The following SCN2A variants were observed in gnomAD, a reference collection of about 807,000 sequenced individuals.
SCN2A encodes the protein sodium voltage-gated channel alpha subunit 2.
A neutral mutation model predicts 188.7 loss-of-function variants in SCN2A; 20 were observed. The observed-to-expected ratio is 0.11, with a 90% CI of 0.07 to 0.15. SCN2A has a LOEUF of 0.15. Among genes scored for constraint, SCN2A ranks in the 10% least tolerant of loss-of-function variants. The pLI, the probability that SCN2A is intolerant of heterozygous loss-of-function variation, is 1.00. For missense variants in SCN2A, 1,278 were observed against 2,445.0 expected, an observed-to-expected ratio of 0.52 and a Z score of 10.07; for synonymous variants, 804 against 833.1, an observed-to-expected ratio of 0.97 and a Z score of 0.60.
intron 11 of SCN2A, among the ~76,000 whole-genome samples, chr2:165,318,805 C>T (rs543183612): frequency 2.6e-5 from 4 of 152,272 alleles, no homozygotes; most frequent in South Asian, 4.1e-4. Context: ...GTATGTCACA[C>T]ATCCTGCAAA....
rs1700230633 is a variant in SCN2A, at chr2:165,357,326, T to C, written c.3399+2655T>C. On this transcript the variant is annotated intron_variant, in intron 17 of 26. Transcript: ENST00000375437. The stretch of plus-strand genomic sequence containing the variant: ...TTCTAACTGGGGGACAGGATTACAT[T>C]GTTAAATATCACAAAGTAGTAAGAA... 2.0e-5 allele frequency among the ~76,000 whole-genome samples: 3 copies of C among 152,176 alleles called. No homozygotes were observed. The South Asian group carries it at 6.2e-4, about 31-fold the overall frequency.
At position 165,265,589 on chromosome 2, in the gene SCN2A, A is replaced by T. The variant is rs377307827; in HGVS notation, c.-52+25949A>T. Among the ~76,000 whole-genome samples the T allele has an allele frequency of 9.0e-5, 13 of 144,994 alleles. No homozygotes were observed. The East Asian group carries it at 1.4e-3, about 16-fold the overall frequency. ...TATCCCTTAACTCAAAAAAATATTG[A>T]ACATTAAAATATTGGTAGCTTTTTT... is the stretch of plus-strand genomic sequence containing the variant. On this transcript the variant is annotated intron_variant, in intron 1 of 26. Coordinates refer to ENST00000375437, the MANE Select transcript of SCN2A (RefSeq NM_001040142.2).
chr2:165,280,277 T>C (rs760629142), intron 1 of SCN2A, among the ~76,000 whole-genome samples: 20 of 152,210 alleles, frequency 1.3e-4, no homozygotes, highest in Non-Finnish European at 2.8e-4. Flanking sequence ...TATTTATCTA[T>C]GTACTCAATC....
intron 1 of SCN2A, among the ~76,000 whole-genome samples, chr2:165,262,615 C>A (rs1008824685): frequency 6.6e-6 from 1 of 151,690 alleles, no homozygotes; most frequent in African/African-American, 2.4e-5. Flanking sequence ...TATGTATATA[C>A]ACATAGAATA....
chr2:165,322,455 G>T (rs1301848016), intron 11 of SCN2A, among the ~76,000 whole-genome samples: 1 of 152,110 alleles, frequency 6.6e-6, no homozygotes. Context: ...AAATTAAATG[G>T]TTGTGATCAG....
chr2:165,242,858 A>G (rs921240763), intron 1 of SCN2A, among the ~76,000 whole-genome samples: 2 of 152,180 alleles, frequency 1.3e-5, no homozygotes, highest in African/African-American at 4.8e-5. Flanking sequence ...TAATGAGCAA[A>G]GCTGGTGTAA....
chr2:165,356,838 CTT>C (rs1368353012), intron 17 of SCN2A, among the ~76,000 whole-genome samples: 2 of 152,286 alleles, frequency 1.3e-5, no homozygotes, highest in African/African-American at 4.8e-5. Flanking sequence ...AGGGACATCT[CTT>C]GTTTCTCTTG....
intron 17 of SCN2A, among the ~76,000 whole-genome samples, chr2:165,358,985 A>C: frequency 6.6e-6 from 1 of 152,128 alleles, no homozygotes; most frequent in South Asian, 2.1e-4. Context: ...AAGAAATGTT[A>C]ATTATTTTGT....
Position 165,373,878 on chromosome 2 carries a change from G to A in SCN2A, c.3972+531G>A, listed in dbSNP as rs545187477. Among the ~76,000 whole-genome samples, 417 of 152,134 alleles carry A rather than the reference G, an allele frequency of 2.7e-3. 1 individual carries two copies. The highest frequency in any genetic ancestry group is 9.7e-3 in the African/African-American group (403 of 41,536). On this transcript the variant is annotated intron_variant, in intron 21 of 26. Transcript: ENST00000375437. ...TTTGTGCTGACATTTGTCGTCCCCT[G>A]AGGCACAAAACCTGAGACCACATAC... is the stretch of plus-strand genomic sequence containing the variant.
chr2:165,283,722 C>A (rs917854558), intron 1 of SCN2A, among the ~76,000 whole-genome samples: 1 of 152,098 alleles, frequency 6.6e-6, no homozygotes, highest in African/African-American at 2.4e-5. Context: ...TATCATATTT[C>A]CCTTCTTAAC....
rs1017846112 is a variant in SCN2A, at chr2:165,323,867, T to A, written c.2016+367T>A. On this transcript the variant is annotated intron_variant, in intron 12 of 26. Transcript: ENST00000375437. Reference sequence around the variant, plus strand: ...AAATAAATACTTAAGGATTTTGTGATTGTTGTTCATTTAAAAGGAGATTTG... The same window carrying A: ...AAATAAATACTTAAGGATTTTGTGAATGTTGTTCATTTAAAAGGAGATTTG... Among the ~76,000 whole-genome samples, 3 of 152,350 alleles carry A rather than the reference T, an allele frequency of 2.0e-5. No homozygotes were observed. The East Asian group carries it at 5.8e-4, about 29-fold the overall frequency.
chr2:165,324,423 A>G (rs924643565), intron 12 of SCN2A, among the ~76,000 whole-genome samples: 1 of 152,158 alleles, frequency 6.6e-6, no homozygotes, highest in East Asian at 1.9e-4. Context: ...TACCTAATGG[A>G]GGAGCTTCTT....
chr2:165,323,730 A>G (rs1312038281), intron 12 of SCN2A, among the ~76,000 whole-genome samples: 2 of 152,242 alleles, frequency 1.3e-5, no homozygotes, highest in African/African-American at 2.4e-5. Context: ...GTAATCTTTC[A>G]TCATTATTAC....
chr2:165,328,901 T>C (rs1698510653), intron 13 of SCN2A, among the ~76,000 whole-genome samples: 1 of 152,140 alleles, frequency 6.6e-6, no homozygotes, highest in African/African-American at 2.4e-5. Context: ...TTCAATTGTA[T>C]GTAGACACAT....
At chr2:165,259,842 G>A (rs544837487) in intron 1 of SCN2A, among the ~76,000 whole-genome samples, 3 of 151,686 alleles carry the variant, frequency 2.0e-5, no homozygotes, top group African/African-American at 7.3e-5. Context: ...CATTCAGAAT[G>A]GTGAATTCTT....
At chr2:165,377,691 G>C in intron 23 of SCN2A, 41 bp downstream of exon 23, 1 of 1,487,608 alleles carries the variant, frequency 6.7e-7, no homozygotes, top group Non-Finnish European at 9.3e-7. Flanking sequence ...TTGATTAAAT[G>C]TATATTTCTA....
intron 15 of SCN2A, among the ~76,000 whole-genome samples, chr2:165,343,671 G>C (rs1173425004): frequency 1.3e-5 from 2 of 152,220 alleles, no homozygotes; most frequent in Admixed American, 1.3e-4. Context: ...ATAAAATGCT[G>C]CTGCTCTTTA....
chr2:165,260,248 G>T (rs1350257725), intron 1 of SCN2A, among the ~76,000 whole-genome samples: 1 of 151,942 alleles, frequency 6.6e-6, no homozygotes, highest in Admixed American at 6.6e-5. Flanking sequence ...CGGCCAAAAT[G>T]GATTTCTTAA....
chr2:165,370,234 G>A lies in SCN2A; in HGVS notation c.3784G>A (p.Val1262Ile), dbSNP rs1370552163. The change falls in exon 20 of 27, where the codon GTT becomes ATT. Residue 1262 changes from valine (V) to isoleucine (I), a missense_variant. Coordinates refer to ENST00000375437, the MANE Select transcript of SCN2A (RefSeq NM_001040142.2). ...CATTCTGGAAATGCTGCTAAAGTGG[G>A]TTGCATATGGTTTTCAAGTGTATTT... Reference protein sequence around the residue: ...IFILEMLLKWVAYGFQVYFTN... With the variant: ...IFILEMLLKWIAYGFQVYFTN... The A allele has an allele frequency of 6.2e-7, 1 of 1,614,074 alleles. No homozygotes were observed. The highest frequency in any genetic ancestry group is 1.1e-5 in the South Asian group (1 of 91,078).
Sources: gnomAD v4.1 joint callset for allele counts (sites outside exome capture counted in the v4.1 genomes callset) on GRCh38, gnomAD v4.1.1 for gene constraint, MANE v1.5 for transcripts, NCBI Gene and HGNC (gene_info 2026-07-23, HGNC 2026-07-21) for gene names.